Variants in FBN3 observed in about 807,000 individuals in gnomAD.
The protein encoded by FBN3 is fibrillin-3.
Under a neutral mutation model 330.1 loss-of-function variants are expected in FBN3, and 234 were observed. The observed-to-expected ratio is 0.71, with a 90% CI of 0.64 to 0.79. The LOEUF (loss-of-function observed/expected upper bound fraction) is 0.79, where lower values mean the gene tolerates loss of function less well. Ranked by LOEUF, FBN3 falls within the 30% of genes least tolerant of loss-of-function variation. The pLI is 0.00. For missense variants in FBN3, 3,606 were observed against 3,886.9 expected (o/e 0.93, Z 1.92); for synonymous variants, 1,458 against 1,517.3 (o/e 0.96, Z 0.91).
chr19:8,111,061 G>A lies in FBN3; in HGVS notation c.4207C>T (p.Gln1403Ter), dbSNP rs765730578. The A allele has an allele frequency of 1.9e-6, 3 of 1,613,030 alleles. No individual in the cohort carries two copies. Among genetic ancestry groups the A allele is most frequent in the South Asian group, 2.2e-5 (2 of 90,986 alleles). ...GCCCTGGCGGGCCCAACCTTACCCTGGCAGGCCCGGTGGTCCTCGGTGGGG... is the reference window on the plus strand; with the variant it reads ...GCCCTGGCGGGCCCAACCTTACCCTAGCAGGCCCGGTGGTCCTCGGTGGGG... ...FDPTEDHRAC[Q>*]DVDECAQGNL... is the part of the protein sequence containing the mutation. The change falls in exon 33 of 64, where the codon CAG becomes TAG. Residue 1403 changes from glutamine to a stop codon, truncating the protein, a stop_gained. Coordinates refer to ENST00000600128, the MANE Select transcript of FBN3 (RefSeq NM_032447.5). LOFTEE classifies it high-confidence loss of function.
At chr19:8,068,734 A>G (rs1189375847) in intron 63 of FBN3, among the ~76,000 whole-genome samples, 1 of 151,988 alleles carries the variant, frequency 6.6e-6, no homozygotes, top group Non-Finnish European at 1.5e-5. Flanking sequence ...ATAATAAATC[A>G]ATAAAAAAAT....
At chr19:8,088,689 G>A (rs2082022269) in intron 51 of FBN3, among the ~76,000 whole-genome samples, 1 of 152,174 alleles carries the variant, frequency 6.6e-6, no homozygotes, top group Non-Finnish European at 1.5e-5. Flanking sequence ...ATGAGGAAAC[G>A]AATGAGTGAC....
At chr19:8,135,500 A>T (rs2083257192) in intron 13 of FBN3, among the ~76,000 whole-genome samples, 1 of 58,414 alleles carries the variant, frequency 1.7e-5, no homozygotes, top group African/African-American at 1.9e-4. Flanking sequence ...CTGGTCTCGA[A>T]CTCCTGACCT....
intron 63 of FBN3, 145 bp downstream of exon 63, chr19:8,071,903 G>T: frequency 1.2e-6 from 1 of 810,858 alleles, no homozygotes; most frequent in Non-Finnish European, 1.9e-6. Flanking sequence ...GCCCTAAGCC[G>T]GCACCATGAC....
At chr19:8,123,334 A>C in intron 24 of FBN3, 130 bp downstream of exon 24, 1 of 1,032,600 alleles carries the variant, frequency 9.7e-7, no homozygotes, top group Non-Finnish European at 1.4e-6. Context: ...AGCCTGGATA[A>C]CAAGAGTAAA....
intron 14 of FBN3, 64 bp downstream of exon 14, chr19:8,132,920 C>A: frequency 1.4e-6 from 2 of 1,478,382 alleles, no homozygotes; most frequent in Non-Finnish European, 9.0e-7. Flanking sequence ...TCCTCTTCCT[C>A]GCCGTCCCTC....
At chr19:8,080,174 G>A (rs2081743632) in intron 59 of FBN3, among the ~76,000 whole-genome samples, 1 of 152,222 alleles carries the variant, frequency 6.6e-6, no homozygotes, top group East Asian at 1.9e-4. Flanking sequence ...GGGCTTGGCT[G>A]GCAGCCTGGA....
At chr19:8,089,432 TG>T in intron 51 of FBN3, 112 bp downstream of exon 51, 1 of 1,157,210 alleles carries the variant, frequency 8.6e-7, no homozygotes, top group Non-Finnish European at 1.2e-6. Flanking sequence ...AGAGAGGCAG[TG>T]GTTAAGGACA....
Position 8,075,419 on chromosome 19 carries a change from G to C in FBN3, c.7454-8C>G. The C allele has an allele frequency of 6.2e-7, 1 of 1,610,002 alleles. No individual in the cohort carries two copies. The highest frequency in any genetic ancestry group is 8.5e-7 in the Non-Finnish European group (1 of 1,177,208). ...CTGAGCACTCATCATTGTCTGCAGA[G>C]GAGAGAGATCAGGCAGGGTTGCCTG... On this transcript the variant is annotated splice_polypyrimidine_tract_variant and splice_region_variant and intron_variant, in intron 59 of 63. Coordinates refer to ENST00000600128, the MANE Select transcript of FBN3 (RefSeq NM_032447.5).
At chr19:8,118,252 C>G (rs1190327460) in intron 26 of FBN3, among the ~76,000 whole-genome samples, 1 of 152,106 alleles carries the variant, frequency 6.6e-6, no homozygotes, top group Non-Finnish European at 1.5e-5. Context: ...TCCAACTACA[C>G]ATCACATTCT....
At chr19:8,088,281 A>G in intron 51 of FBN3, 102 bp from the exon 52 acceptor site, 4 of 1,395,074 alleles carry the variant, frequency 2.9e-6, no homozygotes, top group Non-Finnish European at 3.9e-6. Flanking sequence ...GGAGGGGGCC[A>G]GATCGAATGC....
intron 26 of FBN3, 124 bp downstream of exon 26, chr19:8,118,773 G>C: frequency 8.2e-7 from 1 of 1,212,256 alleles, no homozygotes; most frequent in Non-Finnish European, 1.2e-6. Context: ...ACATAGGTAT[G>C]GCCTCAGAAA....
intron 59 of FBN3, among the ~76,000 whole-genome samples, chr19:8,078,791 CTT>C (rs1555725584): frequency 5.7e-5 from 8 of 141,284 alleles, no homozygotes; most frequent in Admixed American, 7.1e-5. Flanking sequence ...CTCTCTCTCT[CTT>C]TTTTTTTTTT....
Position 8,136,011 on chromosome 19 carries a change from C to T in FBN3, c.1541G>A (p.Cys514Tyr), listed in dbSNP as rs772656811. 7 of 1,562,914 alleles carry T rather than the reference C, an allele frequency of 4.5e-6. No homozygotes were observed. The South Asian group carries it at 7.8e-5, about 18-fold the overall frequency. The part of the protein sequence containing the change: ...RCVNTEGSFQ[C>Y]VCNAGFELSP... The stretch of plus-strand genomic sequence containing the variant: ...GAGCTCGAAGCCTGCATTGCAGACA[C>T]ACTGGAAGCTGCCCTCTGTGTTGAC... The change falls in exon 13 of 64, where the codon TGT (cysteine) becomes TAT (tyrosine). Residue 514 changes from cysteine (C) to tyrosine (Y), a missense_variant. Transcript: ENST00000600128.
At chr19:8,087,994 G>A (rs187845622) in intron 52 of FBN3, 47 bp from the exon 53 acceptor site, 1 of 1,614,008 alleles carries the variant, frequency 6.2e-7, no homozygotes, top group Non-Finnish European at 8.5e-7. Context: ...CTGAGGGCGG[G>A]ACCTCCACTC....
At position 8,089,890 on chromosome 19, in the gene FBN3, T is replaced by C; in HGVS notation, c.6250+4A>G. The C allele has an allele frequency of 6.3e-7, 1 of 1,593,494 alleles. No individual in the cohort carries two copies. ...GGCTCTTAGCATGTGGGTGAGGGGC[T>C]CACCTTCTCGGGAGTCATCCGGGCC... On this transcript the variant is annotated splice_donor_region_variant and intron_variant, in intron 50 of 63. Coordinates refer to ENST00000600128, the MANE Select transcript of FBN3 (RefSeq NM_032447.5).
chr19:8,097,532 A>C, intron 41 of FBN3, 118 bp from the exon 42 acceptor site: 1 of 1,155,850 alleles, frequency 8.7e-7, no homozygotes, highest in Non-Finnish European at 1.2e-6. Flanking sequence ...ACAAACCAGC[A>C]CACACTCAAG....
In FBN3 at chr19:8,147,449, C is replaced by G. The variant is rs918162984; in HGVS notation, c.32G>C (p.Gly11Ala). Reference sequence around the variant, plus strand: ...GGCCAGCAGGAGCCGGGCCAGGGGGCCCCTTGCCAAATACAGACCCTCCAG... The same window carrying G: ...GGCCAGCAGGAGCCGGGCCAGGGGGGCCCTTGCCAAATACAGACCCTCCAG... MTLEGLYLAR[G>A]PLARLLLAWS... is the part of the protein sequence containing the mutation. Residue 11 changes from glycine to alanine, a missense_variant, in exon 2 of 64, where the codon GGC becomes GCC. Physicochemically the swap from Gly to Ala is moderately conservative, Grantham distance 60. Transcript: ENST00000600128. The G allele has an allele frequency of 6.4e-7, 1 of 1,558,798 alleles. No homozygotes were observed. The highest frequency in any genetic ancestry group is 2.0e-5 in the Admixed American group (1 of 50,310).
chr19:8,118,678 C>A (rs2144878750), intron 26 of FBN3, among the ~76,000 whole-genome samples: 1 of 152,210 alleles, frequency 6.6e-6, no homozygotes, highest in Non-Finnish European at 1.5e-5. Flanking sequence ...TGTGCGTGTT[C>A]ATCTAGACAC....
Sources: gnomAD v4.1 joint callset for allele counts (sites outside exome capture counted in the v4.1 genomes callset) on GRCh38, gnomAD v4.1.1 for gene constraint, MANE v1.5 for transcripts, NCBI Gene and HGNC (gene_info 2026-07-23, HGNC 2026-07-21) for gene names.